Variants in R3HCC1L observed in about 807,000 individuals in gnomAD.
R3HCC1L encodes the protein coiled-coil domain-containing protein R3HCC1L.
R3HCC1L carries 51 observed loss-of-function variants against 59.9 expected under a neutral mutation model. That is an observed-to-expected ratio of 0.85 (90% CI 0.68 to 1.07). R3HCC1L has a LOEUF of 1.07. Ranked by LOEUF, R3HCC1L falls within the 50% of genes least tolerant of loss-of-function variation. The pLI is 0.00. For missense variants in R3HCC1L, 965 were observed against 933.0 expected, an observed-to-expected ratio of 1.03 and a Z score of -0.45; for synonymous variants, 322 against 315.2, an observed-to-expected ratio of 1.02 and a Z score of -0.23.
rs753042195 is a variant in R3HCC1L, at chr10:98,190,801, C to A, written c.-14-17300C>A. ...TATTTCACCTAATGCTATCCCTCCC[C>A]CAGTCCCCCACCCCCCGACAGGCCC... On this transcript the variant is annotated intron_variant, in intron 4 of 9. Transcript: ENST00000298999. 1.1e-4 allele frequency among the ~76,000 whole-genome samples: 17 copies of A among 151,918 alleles called. 1 individual carries two copies. The highest frequency in any genetic ancestry group is 1.8e-4 in the Non-Finnish European group (12 of 68,016).
At chr10:98,161,364 G>T (rs532084329) in intron 2 of R3HCC1L, among the ~76,000 whole-genome samples, 2 of 151,956 alleles carry the variant, frequency 1.3e-5, no homozygotes, top group East Asian at 1.9e-4. Context: ...TCAGGTTTTT[G>T]GTCCCCTCCC....
intron 1 of R3HCC1L, among the ~76,000 whole-genome samples, chr10:98,141,081 C>T (rs1845090001): frequency 6.6e-6 from 1 of 151,928 alleles, no homozygotes; most frequent in Non-Finnish European, 1.5e-5. Context: ...TCCTGAAGGA[C>T]CCAAAAGCTG....
intron 4 of R3HCC1L, among the ~76,000 whole-genome samples, chr10:98,206,110 T>C (rs372340950): frequency 6.6e-6 from 1 of 152,168 alleles, no homozygotes; most frequent in African/African-American, 2.4e-5. Flanking sequence ...GGTTTTTCAT[T>C]GAGACCTCTT....
chr10:98,219,046 G>T (rs747785971), intron 5 of R3HCC1L, among the ~76,000 whole-genome samples: 2 of 152,058 alleles, frequency 1.3e-5, no homozygotes, highest in Non-Finnish European at 2.9e-5. Context: ...TGAGTAGCTG[G>T]GATTATAGGC....
chr10:98,195,772 T>C (rs1010850543), intron 4 of R3HCC1L, among the ~76,000 whole-genome samples: 3 of 152,176 alleles, frequency 2.0e-5, no homozygotes, highest in African/African-American at 7.2e-5. Context: ...TAACTTTGTA[T>C]CTAGTTTTGT....
intron 8 of R3HCC1L, 66 bp downstream of exon 8, chr10:98,235,586 T>C: frequency 7.9e-7 from 1 of 1,272,634 alleles, no homozygotes; most frequent in East Asian, 2.4e-5. Context: ...CCAGAAGTTT[T>C]ATAGCATCCA....
At chr10:98,215,871 A>G (rs932516469) in intron 5 of R3HCC1L, among the ~76,000 whole-genome samples, 12 of 152,214 alleles carry the variant, frequency 7.9e-5, no homozygotes, top group Non-Finnish European at 1.5e-4. Flanking sequence ...AGTGTTAGGA[A>G]ATAGTAATAT....
intron 4 of R3HCC1L, among the ~76,000 whole-genome samples, chr10:98,172,133 T>C (rs191467883): frequency 6.6e-6 from 1 of 152,340 alleles, no homozygotes; most frequent in East Asian, 1.9e-4. Flanking sequence ...CTAGTGATTA[T>C]ATCACTGACA....
chr10:98,235,836 G>A (rs1296877424), intron 8 of R3HCC1L, among the ~76,000 whole-genome samples, 188 bp from the exon 9 acceptor site: 1 of 152,200 alleles, frequency 6.6e-6, no homozygotes, highest in African/African-American at 2.4e-5. Flanking sequence ...TGCAGATAAT[G>A]AAGCCAGGGT....
chr10:98,186,502 C>A, intron 4 of R3HCC1L: 1 of 983,308 alleles, frequency 1.0e-6, no homozygotes, highest in Non-Finnish European at 1.2e-6. Flanking sequence ...GTGGATCTTA[C>A]ATAAACCTTT....
chr10:98,214,313 C>G (rs920213684), intron 5 of R3HCC1L, among the ~76,000 whole-genome samples: 3 of 152,062 alleles, frequency 2.0e-5, no homozygotes, highest in Non-Finnish European at 4.4e-5. Context: ...GTGCTTGTTT[C>G]AGTGAATTCC....
chr10:98,183,331 C>CTTTTTTTTTT (rs35199381), intron 4 of R3HCC1L, among the ~76,000 whole-genome samples: 2 of 138,210 alleles, frequency 1.4e-5, no homozygotes. Context: ...TGTATTGTGT[C>CTTTTTTTTTT]TTTTTTTTTT....
intron 5 of R3HCC1L, among the ~76,000 whole-genome samples, chr10:98,222,614 T>G (rs1219562474): frequency 1.3e-5 from 2 of 152,160 alleles, no homozygotes; most frequent in Admixed American, 6.6e-5. Flanking sequence ...TGTCAAAGGC[T>G]TTTTCTGCAT....
At chr10:98,140,507 G>A (rs1329016562) in intron 1 of R3HCC1L, among the ~76,000 whole-genome samples, 1 of 152,106 alleles carries the variant, frequency 6.6e-6, no homozygotes, top group East Asian at 1.9e-4. Flanking sequence ...AGTCACCTAG[G>A]CAGAGTTAGA....
At chr10:98,152,559 G>A (rs1846311897) in intron 1 of R3HCC1L, among the ~76,000 whole-genome samples, 1 of 126,422 alleles carries the variant, frequency 7.9e-6, no homozygotes, top group African/African-American at 2.6e-5. Flanking sequence ...GCCTCTTCCC[G>A]GCCGCCATCC....
intron 6 of R3HCC1L, among the ~76,000 whole-genome samples, 190 bp downstream of exon 6, chr10:98,231,877 T>G (rs963560548): frequency 6.6e-6 from 1 of 152,218 alleles, no homozygotes; most frequent in Non-Finnish European, 1.5e-5. Flanking sequence ...CTTAAAAATG[T>G]CAGGTAGCCT....
intron 1 of R3HCC1L, among the ~76,000 whole-genome samples, chr10:98,152,480 C>T (rs1188988092): frequency 2.2e-5 from 3 of 135,612 alleles, no homozygotes; most frequent in African/African-American, 7.5e-5. Flanking sequence ...GCGCCTCTTC[C>T]CGGCCGCCAT....
rs1386167970 is a variant in R3HCC1L at position 98,209,268 on chromosome 10, G to A, written c.1154G>A (p.Cys385Tyr). The A allele has an allele frequency of 1.2e-6, 2 of 1,613,934 alleles. No homozygotes were observed. The highest frequency in any genetic ancestry group is 1.7e-5 in the Admixed American group (1 of 60,022). Residue 385 changes from cysteine to tyrosine, a missense_variant, in exon 5 of 10, where the codon TGT (cysteine) becomes TAT (tyrosine). By Grantham distance (194) the Cys-to-Tyr change is radical. Coordinates refer to ENST00000298999, the MANE Select transcript of R3HCC1L (RefSeq NM_001351015.2). Reference sequence around the variant, plus strand: ...ATGATGGACACTACAGGTATGTCCTGTAGTGATCATGTAACTGTTGATAGC... The same window carrying A: ...ATGATGGACACTACAGGTATGTCCTATAGTGATCATGTAACTGTTGATAGC... ...ACMMDTTGMS[C>Y]SDHVTVDSPY...
At chr10:98,194,619 C>G (rs1262438602) in intron 4 of R3HCC1L, among the ~76,000 whole-genome samples, 1 of 152,086 alleles carries the variant, frequency 6.6e-6, no homozygotes, top group South Asian at 2.1e-4. Context: ...AAGAACTTGA[C>G]AACTCAGTAA....
Sources: gnomAD v4.1 joint callset for allele counts (sites outside exome capture counted in the v4.1 genomes callset) on GRCh38, gnomAD v4.1.1 for gene constraint, MANE v1.5 for transcripts, NCBI Gene and HGNC (gene_info 2026-07-23, HGNC 2026-07-21) for gene names.